MACF1: variants seen among roughly 807,000 people sequenced by gnomAD.
The protein encoded by MACF1 is microtubule actin crosslinking factor 1.
A neutral mutation model predicts 854.8 loss-of-function variants in MACF1; 193 were observed. That is an observed-to-expected ratio of 0.23 (90% confidence interval 0.20 to 0.25). The LOEUF (loss-of-function observed/expected upper bound fraction) is 0.25, where lower values mean the gene tolerates loss of function less well. Ranked by LOEUF, MACF1 falls within the 10% of genes least tolerant of loss-of-function variation. The pLI, the probability that MACF1 is intolerant of heterozygous loss-of-function variation, is 1.00. For synonymous variants in MACF1, 3,185 were observed against 3,226.7 expected (o/e 0.99, Z 0.44); for missense variants, 7,722 against 8,929.1 (o/e 0.86, Z 5.45).
intron 22 of MACF1, among the ~76,000 whole-genome samples, chr1:39,302,375 GAATT>G (rs1164744222): frequency 6.6e-6 from 1 of 151,664 alleles, no homozygotes; most frequent in Non-Finnish European, 1.5e-5. Context: ...AAGAATGAAT[GAATT>G]AAGAAATGGA....
At chr1:39,330,830 C>G (rs1395754591) in intron 36 of MACF1, among the ~76,000 whole-genome samples, 2 of 145,248 alleles carry the variant, frequency 1.4e-5, no homozygotes, top group East Asian at 4.0e-4. Flanking sequence ...GAGACAGAGT[C>G]TCGCTCTGTT....
Position 39,322,953 on chromosome 1 carries a change from C to T in MACF1, c.4181C>T (p.Thr1394Ile). 6.2e-7 allele frequency: 1 copy of T among 1,614,110 alleles called. No homozygotes were observed. The highest frequency in any genetic ancestry group is 8.5e-7 in the Non-Finnish European group (1 of 1,179,976). The change falls in exon 33 of 101, where the codon ACA becomes ATA. Residue 1394 changes from threonine (T) to isoleucine (I), a missense_variant. Thr to Ile is a moderately conservative substitution (Grantham distance 89, BLOSUM62 -1). Coordinates refer to ENST00000564288, the MANE Select transcript of MACF1 (RefSeq NM_001394062.1). The part of the protein sequence containing the change: ...RTRYTALVTL[T>I]TQHVKYISDA... ...CGCTACACGGCATTGGTGACTTTAA[C>T]AACTCAGCACGTGAAATACATCAGT... is the stretch of plus-strand genomic sequence containing the variant.
At chr1:39,134,034 C>CTT (rs754585049) in intron 2 of MACF1, among the ~76,000 whole-genome samples, 1,887 of 71,640 alleles carry the variant, frequency 0.026, 77 homozygotes, top group Non-Finnish European at 0.03. Context: ...GAAGAACAGT[C>CTT]TTTTTTTTTT....
chr1:39,289,045 T>C (rs2148393614), intron 15 of MACF1, among the ~76,000 whole-genome samples: 1 of 152,320 alleles, frequency 6.6e-6, no homozygotes, highest in East Asian at 1.9e-4. Flanking sequence ...TCTAGTTCCA[T>C]CCATATTGTT....
At chr1:39,364,383 T>A (rs1648488947) in intron 49 of MACF1, among the ~76,000 whole-genome samples, 1 of 152,042 alleles carries the variant, frequency 6.6e-6, no homozygotes, top group African/African-American at 2.4e-5. Flanking sequence ...GTTTTTTTTT[T>A]TTAGAGTTCT....
Position 39,147,960 on chromosome 1 carries a change from T to C in MACF1, c.220+63522T>C, listed in dbSNP as rs1170870634. Among the ~76,000 whole-genome samples the C allele has an allele frequency of 2.0e-5, 3 of 152,202 alleles. No individual in the cohort carries two copies. In the East Asian group the frequency reaches 5.8e-4, roughly 29 times the overall value. On this transcript the variant is annotated intron_variant, in intron 2 of 93. Coordinates refer to the MACF1 transcript ENST00000361689. ...TTCACCCCTTGTTTATGTTGTTTTC[T>C]ATGCCTTGAATGATCTTTTTACTTT...
intron 91 of MACF1, 109 bp downstream of exon 91, chr1:39,459,358 C>G: frequency 8.2e-7 from 1 of 1,217,808 alleles, no homozygotes; most frequent in Non-Finnish European, 1.1e-6. Flanking sequence ...TTTACTTTTT[C>G]ACAATAGAAA....
intron 82 of MACF1, 60 bp downstream of exon 82, chr1:39,447,958 C>G: frequency 6.2e-7 from 1 of 1,609,716 alleles, no homozygotes; most frequent in Non-Finnish European, 8.5e-7. Context: ...TGTATTGAGT[C>G]TCTGGGATGA....
upstream of MACF1, chr1:39,204,311 C>T (rs1238320518): frequency 6.6e-6 from 1 of 152,288 alleles, no homozygotes; most frequent in Non-Finnish European, 1.5e-5. Flanking sequence ...GAAGTACCCC[C>T]TAAATGAGCA....
intron 2 of MACF1, among the ~76,000 whole-genome samples, chr1:39,245,892 T>TA (rs1436410138): frequency 1.2e-4 from 19 of 152,314 alleles, no homozygotes; most frequent in Middle Eastern, 6.8e-3. Context: ...TCTGACTTTT[T>TA]AAAAAACCTA....
Position 39,357,836 on chromosome 1 carries a change from C to G in MACF1, c.11886C>G (p.Asn3962Lys), listed in dbSNP as rs1417723365. 3 of 1,613,978 alleles carry G rather than the reference C, an allele frequency of 1.9e-6. No individual in the cohort carries two copies. Among genetic ancestry groups the G allele is most frequent in the Middle Eastern group, 1.6e-4 (1 of 6,084 alleles). The change falls in exon 45 of 101, where the codon AAC becomes AAG. Residue 3962 changes from asparagine to lysine, a missense_variant. Asn to Lys is a moderately conservative substitution (Grantham distance 94). Around this residue, in one of 15 missense-constraint regions of MACF1, gnomAD observed 2,807 missense variants for 3,235.8 expected, o/e 0.87. Transcript: ENST00000564288. ...GCAAAGAACCATCAGAAATTGGAAA[C>G]TTAGTAAAGGACAAGTTGAAGGATG... is the stretch of plus-strand genomic sequence containing the variant. ...KEGKEPSEIGNLVKDKLKDAT... is the reference protein window; with the variant it reads ...KEGKEPSEIGKLVKDKLKDAT...
chr1:39,351,555 A>G (rs1406534510), intron 43 of MACF1, among the ~76,000 whole-genome samples: 2 of 129,474 alleles, frequency 1.5e-5, no homozygotes, highest in Admixed American at 1.5e-4. Context: ...GAAGAGTATT[A>G]TTATGGGGAG....
In MACF1 at chr1:39,334,886, C is replaced by T; in HGVS notation, c.8298C>T (p.Phe2766=). The T allele has an allele frequency of 6.2e-7, 1 of 1,614,116 alleles. No homozygotes were observed. ...ANMIQIDSSE[F]SDHRAQIEKQ... ...TGATCCAAATAGATAGTTCAGAGTT[C>T]AGCGATCACAGGGCTCAGATTGAAA... is the stretch of plus-strand genomic sequence containing the variant. Residue 2766 remains phenylalanine, a synonymous_variant, in exon 37 of 101, where the codon TTC becomes TTT. Transcript: ENST00000564288.
chr1:39,310,796 G>T (rs749143243), intron 25 of MACF1, 35 bp from the exon 26 acceptor site: 3 of 1,571,388 alleles, frequency 1.9e-6, no homozygotes, highest in Non-Finnish European at 1.7e-6. Context: ...CTCTGATGTC[G>T]AGCTTACTGG....
chr1:39,345,792 G>C (rs1647032251), intron 40 of MACF1, among the ~76,000 whole-genome samples: 1 of 152,194 alleles, frequency 6.6e-6, no homozygotes, highest in African/African-American at 2.4e-5. Flanking sequence ...TTGATGGCCG[G>C]GCGTGTGGCT....
chr1:39,338,954 C>A (rs939950903), intron 38 of MACF1, among the ~76,000 whole-genome samples: 6 of 152,132 alleles, frequency 3.9e-5, no homozygotes, highest in Admixed American at 3.9e-4. Context: ...GAAAAAGAAA[C>A]TTGGACAAAA....
chr1:39,414,010 C>A (rs1643167997), intron 58 of MACF1: 1 of 1,608,216 alleles, frequency 6.2e-7, no homozygotes, highest in African/African-American at 1.3e-5. Flanking sequence ...AGCAGCAGTG[C>A]CCACCCTAGA....
chr1:39,130,328 C>G (rs1162613904), intron 2 of MACF1, among the ~76,000 whole-genome samples: 2 of 152,210 alleles, frequency 1.3e-5, no homozygotes, highest in Non-Finnish European at 2.9e-5. Flanking sequence ...TTAGCTGTAA[C>G]TAGCCTGGAG....
chr1:39,133,326 G>C (rs1420777265), intron 2 of MACF1, among the ~76,000 whole-genome samples: 3 of 152,212 alleles, frequency 2.0e-5, no homozygotes, highest in Non-Finnish European at 4.4e-5. Context: ...GCCTGTTCCT[G>C]ATCCATCTGG....
Sources: gnomAD v4.1 joint callset for allele counts (sites outside exome capture counted in the v4.1 genomes callset) on GRCh38, gnomAD v4.1.1 for gene constraint, gnomAD v4.1.1 regional missense constraint, MANE v1.5 for transcripts, NCBI Gene and HGNC (gene_info 2026-07-23, HGNC 2026-07-21) for gene names.